The following SHANK1 variants were observed in gnomAD, a reference collection of about 807,000 sequenced individuals.
The protein encoded by SHANK1 is SH3 and multiple ankyrin repeat domains protein 1.
SHANK1 carries 35 observed loss-of-function variants against 165.6 expected under a neutral mutation model. The ratio of observed to expected loss-of-function variants is 0.21; its 90% CI spans 0.16 to 0.28. The LOEUF is 0.28. SHANK1 is among the 10% of genes least tolerant of loss of function. SHANK1 has a pLI of 1.00. For synonymous variants in SHANK1, 1,428 were observed against 1,384.8 expected, an observed-to-expected ratio of 1.03 and a Z score of -0.69; for missense variants, 2,681 against 3,036.4, an observed-to-expected ratio of 0.88 and a Z score of 2.75.
chr19:50,715,080 A>G lies in SHANK1; in HGVS notation c.531+579T>C, dbSNP rs897633790. Among the ~76,000 whole-genome samples, 6 of 152,130 alleles carry G rather than the reference A, an allele frequency of 3.9e-5. No homozygotes were observed. In the East Asian group the frequency reaches 7.7e-4, roughly 20 times the overall value. On this transcript the variant is annotated intron_variant, in intron 4 of 23. Coordinates refer to ENST00000293441, the MANE Select transcript of SHANK1 (RefSeq NM_016148.5). Reference sequence around the variant, plus strand: ...GGGAGTTTTTCCTTCTCAAGGATCAAGAGTTCTTCATTTCTGACCAAAGCA... The same window carrying G: ...GGGAGTTTTTCCTTCTCAAGGATCAGGAGTTCTTCATTTCTGACCAAAGCA...
intron 15 of SHANK1, among the ~76,000 whole-genome samples, chr19:50,695,120 C>T (rs1434236190): frequency 6.8e-6 from 1 of 146,454 alleles, no homozygotes; most frequent in Non-Finnish European, 1.5e-5. Flanking sequence ...TCCCCGTACC[C>T]GCTCGGCCGA....
At chr19:50,671,655 C>G (rs1225911240) in intron 22 of SHANK1, among the ~76,000 whole-genome samples, 1 of 152,044 alleles carries the variant, frequency 6.6e-6, no homozygotes, top group East Asian at 1.9e-4. Flanking sequence ...TAGAACAATT[C>G]CTGGCATGTG....
In SHANK1 at chr19:50,716,883, G is replaced by A. The variant is rs767848654; in HGVS notation, c.37C>T (p.Arg13Cys). ...TCGGGACACTCGCTGGCACTGTGGC[G>A]TTCCTCGTCCTCGCTTGTCGCGGGG... is the stretch of plus-strand genomic sequence containing the variant. ...HSPATSEDEERHSASECPEGG... is the reference protein window; with the variant it reads ...HSPATSEDEECHSASECPEGG... The change falls in exon 2 of 24, where the codon CGC (arginine) becomes TGC (cysteine). Residue 13 changes from arginine (R) to cysteine (C), a missense_variant. Arg to Cys is a radical substitution (Grantham distance 180, BLOSUM62 -3). Coordinates refer to ENST00000293441, the MANE Select transcript of SHANK1 (RefSeq NM_016148.5). This position sits in a 1 kb window ranked among gnomAD's most constrained non-coding sequence, Gnocchi z 8.4. 25 of 1,476,504 alleles carry A rather than the reference G, an allele frequency of 1.7e-5. No homozygotes were observed. The highest frequency in any genetic ancestry group is 9.7e-5 in the South Asian group (7 of 72,036). The allele number at this position is 1,476,504 out of a possible 1,614,324, so 91.5% of individuals were successfully genotyped here. A position where few individuals can be genotyped will look rare whatever the true frequency, so the allele number is the denominator to read the frequency against.
intron 21 of SHANK1, among the ~76,000 whole-genome samples, chr19:50,674,533 C>T (rs1668301148): frequency 6.6e-6 from 1 of 152,270 alleles, no homozygotes; most frequent in East Asian, 1.9e-4. Context: ...TTTCCCTGGG[C>T]TCTGGGCTCT....
intron 18 of SHANK1, 122 bp from the exon 19 acceptor site, chr19:50,687,784 C>T (rs1986404679): frequency 6.5e-6 from 9 of 1,375,790 alleles, no homozygotes; most frequent in Admixed American, 2.3e-5. Context: ...CCCTCCCTGC[C>T]TCAGTTTCTC....
Position 50,717,038 on chromosome 19 carries a change from A to G in SHANK1, c.-43-76T>C. Reference sequence around the variant, plus strand: ...GGCCGCAGGCGCTATTCGGTGGTCAAGCGGTCAAGGGCAGCCTACCCCCAC... The same window carrying G: ...GGCCGCAGGCGCTATTCGGTGGTCAGGCGGTCAAGGGCAGCCTACCCCCAC... On this transcript the variant is annotated intron_variant, in intron 1 of 23. Transcript: ENST00000293441. The surrounding 1 kb of genome is among the most constrained non-coding windows in gnomAD (Gnocchi z 5.5). The G allele has an allele frequency of 7.9e-7, 1 of 1,260,496 alleles. No individual in the cohort carries two copies. Among genetic ancestry groups the G allele is most frequent in the Non-Finnish European group, 1.0e-6 (1 of 972,596 alleles). 78.1% of individuals were successfully genotyped at this position (1,260,496 alleles called of 1,614,324 possible). A position where few individuals can be genotyped will look rare whatever the true frequency, so the allele number is the denominator to read the frequency against.
intron 23 of SHANK1, among the ~76,000 whole-genome samples, chr19:50,665,902 A>ACGTGCCTGTAATCCCAGCTACT (rs1555739474): frequency 2.2e-5 from 3 of 135,648 alleles, no homozygotes; most frequent in Non-Finnish European, 4.8e-5. Context: ...GTGTGGTGGC[A>ACGTGCCTGTAATCCCAGCTACT]TGGGAGGCTG....
chr19:50,662,565 G>C lies in SHANK1; in HGVS notation c.5886C>G (p.Ala1962=), dbSNP rs573808764. The part of the protein sequence containing the change: ...LPTGTGVSPT[A]AAAPGATSPS... ...GTGAGGTGGCCCCTGGGGCCGCAGC[G>C]GCTGTAGGGGAGACCCCTGTTCCGG... The change falls in exon 24 of 24, where the codon GCC becomes GCG. Residue 1962 remains alanine, a synonymous_variant. Coordinates refer to ENST00000293441, the MANE Select transcript of SHANK1 (RefSeq NM_016148.5). This position sits in a 1 kb window ranked among gnomAD's most constrained non-coding sequence, Gnocchi z 7.7. The C allele has an allele frequency of 4.5e-6, 7 of 1,562,582 alleles. No homozygotes were observed. Among genetic ancestry groups the C allele is most frequent in the East Asian group, 2.4e-5 (1 of 42,016 alleles).
At chr19:50,675,162 G>A (rs1985936748) in intron 21 of SHANK1, among the ~76,000 whole-genome samples, 1 of 151,994 alleles carries the variant, frequency 6.6e-6, no homozygotes, top group Non-Finnish European at 1.5e-5. Context: ...CTGAGTGCAA[G>A]AGTTCAAGGC....
chr19:50,686,220 C>T lies in SHANK1; in HGVS notation c.2577+17G>A, dbSNP rs941032889. 4 of 1,521,878 alleles carry T rather than the reference C, an allele frequency of 2.6e-6. No homozygotes were observed. The highest frequency in any genetic ancestry group is 2.8e-5 in the African/African-American group (2 of 72,336). The allele number at this position is 1,521,878 out of a possible 1,614,324, so 94.3% of individuals were successfully genotyped here. On this transcript the variant is annotated intron_variant, in intron 21 of 23. Transcript: ENST00000293441. This position sits in a 1 kb window ranked among gnomAD's most constrained non-coding sequence, Gnocchi z 5.7. ...CGCCTCCCCCCTGGCAGTTCCTCCC[C>T]ACACCAGGCCGCCTACCTCAGTGGC...
chr19:50,667,712 C>T lies in SHANK1; in HGVS notation c.4248G>A (p.Ala1416=). The T allele has an allele frequency of 2.2e-6, 3 of 1,334,400 alleles. No individual in the cohort carries two copies. The highest frequency in any genetic ancestry group is 2.9e-6 in the Non-Finnish European group (3 of 1,048,578). 82.7% of individuals were successfully genotyped at this position (1,334,400 alleles called of 1,614,324 possible). A position where few individuals can be genotyped will look rare whatever the true frequency, so the allele number is the denominator to read the frequency against. The change falls in exon 23 of 24, where the codon GCG becomes GCA. Residue 1416 remains alanine (A), a synonymous_variant. Coordinates refer to ENST00000293441, the MANE Select transcript of SHANK1 (RefSeq NM_016148.5). The surrounding 1 kb of genome is among the most constrained non-coding windows in gnomAD (Gnocchi z 5.7). ...CGGCCCTGTACCCCAGCTCCCGGCGCGCAGGGTCCGGCGGGGAGGCCCCCC... is the reference window on the plus strand; with the variant it reads ...CGGCCCTGTACCCCAGCTCCCGGCGTGCAGGGTCCGGCGGGGAGGCCCCCC... The part of the protein sequence containing the change: ...RLWGASPPDP[A]RRELGYRAGL...
chr19:50,684,988 C>G (rs553175305), intron 21 of SHANK1, among the ~76,000 whole-genome samples: 1 of 152,202 alleles, frequency 6.6e-6, no homozygotes. Context: ...AGAAGGACCA[C>G]GGCAGCCTGC....
At position 50,697,715 on chromosome 19, in the gene SHANK1, C is replaced by T. The variant is rs779918387; in HGVS notation, c.1862-51G>A. On this transcript the variant is annotated intron_variant, in intron 13 of 23. Transcript: ENST00000293441. This position sits in a 1 kb window ranked among gnomAD's most constrained non-coding sequence, Gnocchi z 4.7. Reference sequence around the variant, plus strand: ...GGACTCTTGTTTTGGAAACCACAATCCCAGCCCTAGAGCTCCTGGCCCAAG... The same window carrying T: ...GGACTCTTGTTTTGGAAACCACAATTCCAGCCCTAGAGCTCCTGGCCCAAG... 2 of 1,586,476 alleles carry T rather than the reference C, an allele frequency of 1.3e-6. No homozygotes were observed. Among genetic ancestry groups the T allele is most frequent in the Non-Finnish European group, 1.7e-6 (2 of 1,155,442 alleles).
At chr19:50,669,332 T>C in intron 22 of SHANK1, 47 bp from the exon 23 acceptor site, 3 of 1,292,044 alleles carry the variant, frequency 2.3e-6, no homozygotes, top group Non-Finnish European at 3.3e-6. Context: ...GCGGGGAGGG[T>C]CTCCCTGCTC....
intron 8 of SHANK1, among the ~76,000 whole-genome samples, chr19:50,705,748 T>C (rs971013548): frequency 6.6e-6 from 1 of 152,150 alleles, no homozygotes; most frequent in African/African-American, 2.4e-5. Context: ...AGGCTTACCA[T>C]GTTACGTGCC....
Position 50,672,134 on chromosome 19 carries a change from G to A in SHANK1, c.2578-20C>T. The stretch of plus-strand genomic sequence containing the variant: ...GCTCGACTTTGGAGCGGCAGTCAGA[G>A]GGGGAGAGAGAGAAAAGATAGAGAG... On this transcript the variant is annotated intron_variant, in intron 21 of 23. Coordinates refer to ENST00000293441, the MANE Select transcript of SHANK1 (RefSeq NM_016148.5). 6.3e-7 allele frequency: 1 copy of A among 1,587,206 alleles called. No homozygotes were observed. The highest frequency in any genetic ancestry group is 8.6e-7 in the Non-Finnish European group (1 of 1,158,460).
At chr19:50,679,631 C>G (rs1986108696) in intron 21 of SHANK1, among the ~76,000 whole-genome samples, 1 of 152,196 alleles carries the variant, frequency 6.6e-6, no homozygotes. Context: ...TCCGTCACCT[C>G]GTGGTCTGGC....
chr19:50,697,890 G>C lies in SHANK1; in HGVS notation c.1814C>G (p.Ser605Cys), dbSNP rs1373441257. Residue 605 changes from serine to cysteine, a missense_variant, in exon 13 of 24, where the codon TCT becomes TGT. Around this residue, in one of 10 missense-constraint regions of SHANK1, gnomAD observed 147 missense variants for 256.5 expected, o/e 0.57. Coordinates refer to ENST00000293441, the MANE Select transcript of SHANK1 (RefSeq NM_016148.5). This position sits in a 1 kb window ranked among gnomAD's most constrained non-coding sequence, Gnocchi z 4.7. ...QVKGRVGWFP[S>C]DCLEEVANRS... The stretch of plus-strand genomic sequence containing the variant: ...ATTCGCCACTTCTTCCAGGCAGTCA[G>C]AGGGGAACCAGCCAACACGACCTTT... The C allele has an allele frequency of 1.9e-6, 3 of 1,614,130 alleles. No individual in the cohort carries two copies. Among genetic ancestry groups the C allele is most frequent in the Non-Finnish European group, 1.7e-6 (2 of 1,180,010 alleles).
In SHANK1 at chr19:50,662,951, T is replaced by G; in HGVS notation, c.5769-269A>C. 4.0e-6 allele frequency: 2 copies of G among 494,358 alleles called. No homozygotes were observed. The highest frequency in any genetic ancestry group is 3.6e-5 in the East Asian group (1 of 27,512). The allele number at this position is 494,358 out of a possible 1,614,324, so 30.6% of individuals were successfully genotyped here. The stretch of plus-strand genomic sequence containing the variant: ...AAGAAAAAGAGACATTAAGTGATAA[T>G]AATAATAATCGTCACCGCTTACTGA... On this transcript the variant is annotated intron_variant, in intron 23 of 23. Transcript: ENST00000293441. This position sits in a 1 kb window ranked among gnomAD's most constrained non-coding sequence, Gnocchi z 7.7.
Sources: allele counts gnomAD v4.1 joint callset (sites outside exome capture counted in the v4.1 genomes callset), GRCh38; gene constraint gnomAD v4.1.1; regional missense constraint gnomAD v4.1.1; non-coding constraint Gnocchi (gnomAD v3.1); transcripts MANE v1.5; gene names NCBI Gene and HGNC (gene_info 2026-07-23, HGNC 2026-07-21).